FLNB: variants seen among roughly 807,000 people sequenced by gnomAD.
The protein encoded by FLNB is filamin B, also known as filamin-B.
In FLNB, 111 loss-of-function variants were observed where a neutral mutation model predicts 250.6. The observed-to-expected ratio is 0.44, with a 90% CI of 0.38 to 0.52. The LOEUF is 0.52. FLNB is among the 20% of genes least tolerant of loss of function. The pLI, the probability that FLNB is intolerant of heterozygous loss-of-function variation, is 0.00. For synonymous variants in FLNB, 1,302 were observed against 1,372.1 expected (o/e 0.95, Z 1.13); for missense variants, 2,869 against 3,447.8 (o/e 0.83, Z 4.20).
intron 2 of FLNB, among the ~76,000 whole-genome samples, chr3:58,077,678 G>A (rs13063457): frequency 0.26 from 39,268 of 152,146 alleles, 6,047 homozygotes; most frequent in Middle Eastern, 0.4. Flanking sequence ...ATGAAAATCT[G>A]AAAACTTCCA....
chr3:58,055,269 A>G (rs907863259), intron 1 of FLNB, among the ~76,000 whole-genome samples: 1 of 150,726 alleles, frequency 6.6e-6, no homozygotes, highest in Non-Finnish European at 1.5e-5. Context: ...CTGTCTCTCA[A>G]AAAAAAAAAA....
chr3:58,018,617 G>A (rs2097109253), intron 1 of FLNB, among the ~76,000 whole-genome samples: 1 of 152,090 alleles, frequency 6.6e-6, no homozygotes, highest in South Asian at 2.1e-4. Context: ...CCGGGTTCCA[G>A]CGATTCTCCT....
At chr3:58,016,061 T>C (rs573144158) in intron 1 of FLNB, among the ~76,000 whole-genome samples, 5 of 144,240 alleles carry the variant, frequency 3.5e-5, no homozygotes, top group African/African-American at 1.3e-4. Flanking sequence ...TGTTTGTTTG[T>C]TTTTTTTTTT....
At position 58,156,941 on chromosome 3, in the gene FLNB, C is replaced by T. The variant is rs190691594; in HGVS notation, c.6888+866C>T. ...CAAACTCCTGACCTGAGGTGATCCA[C>T]CCCACTCAACCTCCCAAAGTGCTGG... On this transcript the variant is annotated intron_variant, in intron 41 of 45. Transcript: ENST00000295956. 4.4e-3 allele frequency among the ~76,000 whole-genome samples: 673 copies of T among 152,322 alleles called. 1 individual carries two copies. The highest frequency in any genetic ancestry group is 6.7e-3 in the Non-Finnish European group (456 of 68,022).
chr3:58,039,242 T>C (rs961489586), intron 1 of FLNB, among the ~76,000 whole-genome samples: 5 of 151,120 alleles, frequency 3.3e-5, no homozygotes, highest in African/African-American at 9.7e-5. Flanking sequence ...TCAGAACTGT[T>C]GAATGGAAAA....
intron 19 of FLNB, 108 bp from the exon 20 acceptor site, chr3:58,121,133 A>T: frequency 1.4e-6 from 2 of 1,394,196 alleles, no homozygotes; most frequent in Non-Finnish European, 2.0e-6. Context: ...CTTACAGTGG[A>T]GGCTGAGATA....
At position 58,052,949 on chromosome 3, in the gene FLNB, A is replaced by AT. The variant is rs2097164796; in HGVS notation, c.293-24090dup. Among the ~76,000 whole-genome samples, 5 of 151,950 alleles carry AT rather than the reference A, an allele frequency of 3.3e-5. No homozygotes were observed. The South Asian group carries it at 1.0e-3, about 32-fold the overall frequency. ...CTCCATTTTGTGTGTACATGGGGGT[A>AT]TTTTTTTCTGCTAGGCAACTGCTAT... On this transcript the variant is annotated intron_variant, in intron 1 of 45. Transcript: ENST00000295956.
At chr3:58,148,421 A>G (rs1234753741) in intron 35 of FLNB, 57 bp downstream of exon 35, 1 of 1,571,114 alleles carries the variant, frequency 6.4e-7, no homozygotes, top group Non-Finnish European at 8.7e-7. Context: ...GGAGATGGGG[A>G]CTCTTGCAGT....
intron 38 of FLNB, among the ~76,000 whole-genome samples, chr3:58,152,423 G>A (rs2107284915): frequency 6.6e-6 from 1 of 152,304 alleles, no homozygotes; most frequent in Middle Eastern, 3.4e-3. Context: ...TTGTGGTGAG[G>A]GCCTCCTTCC....
At chr3:58,155,852 A>G (rs753858096) in intron 40 of FLNB, 108 bp from the exon 41 acceptor site, 8 of 745,848 alleles carry the variant, frequency 1.1e-5, no homozygotes, top group Non-Finnish European at 1.9e-5. Flanking sequence ...AGCTGTGGCC[A>G]TTGAGGAGGG....
intron 25 of FLNB, 25 bp downstream of exon 25, chr3:58,130,933 C>T (rs767989460): frequency 1.2e-5 from 19 of 1,602,224 alleles, no homozygotes; most frequent in Non-Finnish European, 1.5e-5. Context: ...TGCCTTCCTG[C>T]AGACATTCAT....
At chr3:58,017,528 C>T (rs933165707) in intron 1 of FLNB, among the ~76,000 whole-genome samples, 19 of 152,156 alleles carry the variant, frequency 1.2e-4, no homozygotes, top group Non-Finnish European at 2.4e-4. Context: ...GCTGGGATTG[C>T]AGGTGTGAGC....
intron 10 of FLNB, among the ~76,000 whole-genome samples, 194 bp from the exon 11 acceptor site, chr3:58,104,886 C>T (rs1295470495): frequency 1.3e-5 from 2 of 152,108 alleles, no homozygotes; most frequent in East Asian, 1.9e-4. Context: ...GAAGCAGTCA[C>T]ATTACATTAT....
intron 15 of FLNB, 111 bp downstream of exon 15, chr3:58,109,810 A>G (rs1002969759): frequency 1.4e-6 from 2 of 1,479,128 alleles, no homozygotes; most frequent in Non-Finnish European, 1.9e-6. Context: ...TGAATAGGTA[A>G]TCATCTACTG....
chr3:58,166,852 G>A (rs2097371537), intron 43 of FLNB, among the ~76,000 whole-genome samples: 2 of 149,582 alleles, frequency 1.3e-5, no homozygotes, highest in Non-Finnish European at 3.0e-5. Context: ...AAGGCCGGGT[G>A]CGTTGGCTCA....
At chr3:58,039,796 C>T (rs1007635016) in intron 1 of FLNB, among the ~76,000 whole-genome samples, 13 of 152,108 alleles carry the variant, frequency 8.5e-5, no homozygotes, top group African/African-American at 3.1e-4. Context: ...GGGAGGGTAG[C>T]ACTAGTGTAT....
At chr3:58,128,082 G>A (rs944369561) in intron 24 of FLNB, among the ~76,000 whole-genome samples, 1 of 152,188 alleles carries the variant, frequency 6.6e-6, no homozygotes, top group Admixed American at 6.5e-5. Flanking sequence ...AGCAGAAAGA[G>A]CCTCAGCGGG....
chr3:58,040,375 C>T (rs911451665), intron 1 of FLNB, among the ~76,000 whole-genome samples: 1 of 152,226 alleles, frequency 6.6e-6, no homozygotes, highest in Non-Finnish European at 1.5e-5. Context: ...TTGCATCTTA[C>T]TCTTATGGAG....
chr3:58,028,644 G>A (rs146312623), intron 1 of FLNB, among the ~76,000 whole-genome samples: 4,226 of 144,602 alleles, frequency 0.029, 195 homozygotes, highest in African/African-American at 0.1. Context: ...ACAAAGTTTC[G>A]CTCTTGTTGC....
Sources: allele counts gnomAD v4.1 joint callset (sites outside exome capture counted in the v4.1 genomes callset), GRCh38; gene constraint gnomAD v4.1.1; transcripts MANE v1.5; gene names NCBI Gene and HGNC (gene_info 2026-07-23, HGNC 2026-07-21).